The following TMOD2 variants were observed in gnomAD, a reference collection of about 807,000 sequenced individuals.
The protein encoded by TMOD2 is tropomodulin-2.
TMOD2 carries 22 observed loss-of-function variants against 39.9 expected under a neutral mutation model. The ratio of observed to expected loss-of-function variants is 0.55; its 90% CI spans 0.39 to 0.79. TMOD2 has a LOEUF of 0.79. TMOD2 is among the 30% of genes least tolerant of loss of function. The pLI is 0.00. For missense variants in TMOD2, 386 were observed against 413.3 expected (o/e 0.93, Z 0.57); for synonymous variants, 123 against 146.1 (o/e 0.84, Z 1.14).
At chr15:51,779,721 C>T (rs1429893535) in intron 5 of TMOD2, among the ~76,000 whole-genome samples, 1 of 151,912 alleles carries the variant, frequency 6.6e-6, no homozygotes, top group Non-Finnish European at 1.5e-5. Flanking sequence ...CATTCTGTTG[C>T]CCAGGCTGAA....
chr15:51,766,362 T>G lies in TMOD2; in HGVS notation c.-69-11T>G. 1 of 1,352,580 alleles carries G rather than the reference T, an allele frequency of 7.4e-7. No individual in the cohort carries two copies. The highest frequency in any genetic ancestry group is 1.0e-6 in the Non-Finnish European group (1 of 986,156). 83.8% of individuals were successfully genotyped at this position (1,352,580 alleles called of 1,614,324 possible). A position where few individuals can be genotyped will look rare whatever the true frequency, so the allele number is the denominator to read the frequency against. ...AGATTCTTTTTTATTGTGTTTCTTT[T>G]TTATTAACAGTATTCTGAAGTCTCA... On this transcript the variant is annotated splice_polypyrimidine_tract_variant and intron_variant, in intron 1 of 9. Transcript: ENST00000249700.
At chr15:51,756,706 G>A (rs141301133) in intron 1 of TMOD2, among the ~76,000 whole-genome samples, 4 of 152,164 alleles carry the variant, frequency 2.6e-5, no homozygotes, top group African/African-American at 9.7e-5. Context: ...TACGAGCTCT[G>A]CATTCTAGTA....
rs2056184198 is a variant in TMOD2, at chr15:51,815,593, G to A, written c.*7139G>A. The A allele has an allele frequency of 6.6e-6, 1 of 152,150 alleles. No homozygotes were observed. The highest frequency in any genetic ancestry group is 1.5e-5 in the Non-Finnish European group (1 of 68,036). The allele number at this position is 152,150 out of a possible 1,614,324, so 9.4% of individuals were successfully genotyped here. A position where few individuals can be genotyped will look rare whatever the true frequency, so the allele number is the denominator to read the frequency against. On this transcript the variant is annotated 3_prime_UTR_variant, in exon 10 of 10. Transcript: ENST00000249700. ...TGCTTTTTGAGGAAATTTTATTTTA[G>A]TACCAAATGTTGCCAGTGACAATCT...
chr15:51,785,943 A>AT (rs1291962567), intron 7 of TMOD2, among the ~76,000 whole-genome samples: 1 of 152,198 alleles, frequency 6.6e-6, no homozygotes, highest in Non-Finnish European at 1.5e-5. Flanking sequence ...TCACTAAAAC[A>AT]TTTTAAATTT....
At chr15:51,779,790 C>G (rs974944159) in intron 5 of TMOD2, among the ~76,000 whole-genome samples, 4 of 152,012 alleles carry the variant, frequency 2.6e-5, no homozygotes, top group Admixed American at 2.6e-4. Context: ...AAGGGATTCT[C>G]CCACCTCAGT....
At chr15:51,778,855 TATTTTATTCACTTTAATAG>T (rs765164399) in intron 5 of TMOD2, among the ~76,000 whole-genome samples, 1 of 152,096 alleles carries the variant, frequency 6.6e-6, no homozygotes, top group Non-Finnish European at 1.5e-5. Flanking sequence ...AGGTTAATTT[TATTTTATTCACTTTAATAG>T]AGACTTGGGA....
intron 2 of TMOD2, chr15:51,767,031 A>AT (rs11459410): frequency 0.42 from 61,475 of 147,576 alleles, 12,726 homozygotes; most frequent in Admixed American, 0.52. Flanking sequence ...CAAATGCAGA[A>AT]TTTTTTTTTT....
At chr15:51,778,155 C>T (rs2055901957) in intron 5 of TMOD2, among the ~76,000 whole-genome samples, 1 of 151,198 alleles carries the variant, frequency 6.6e-6, no homozygotes, top group Non-Finnish European at 1.5e-5. Context: ...TACTATGCAG[C>T]CATAAAAAAT....
chr15:51,798,210 T>C lies in TMOD2; in HGVS notation c.746T>C (p.Met249Thr). 6.2e-7 allele frequency: 1 copy of C among 1,603,646 alleles called. No homozygotes were observed. The highest frequency in any genetic ancestry group is 8.5e-7 in the Non-Finnish European group (1 of 1,177,412). ...NDPVAIAFAD[M>T]LKVNKTLTSL... ...TTGCATCATAAGGCTTTTGCAGACA[T>C]GCTGAAAGTAAACAAGACCTTGACA... Residue 249 changes from methionine to threonine, a missense_variant, in exon 8 of 10, where the codon ATG becomes ACG. By Grantham distance (81) the Met-to-Thr change is moderately conservative. Transcript: ENST00000249700.
Position 51,810,538 on chromosome 15 carries a change from T to C in TMOD2, c.*2084T>C, listed in dbSNP as rs2056149333. On this transcript the variant is annotated 3_prime_UTR_variant, in exon 10 of 10. Transcript: ENST00000249700. ...ACAGAAATTAGCAATATGTAAGAAA[T>C]TGGGGTTTTCTCCCTCTCCAGATTG... The C allele has an allele frequency of 6.6e-6, 1 of 152,174 alleles. No homozygotes were observed. The highest frequency in any genetic ancestry group is 1.5e-5 in the Non-Finnish European group (1 of 68,026). The allele number at this position is 152,174 out of a possible 1,614,324, so 9.4% of individuals were successfully genotyped here. A position where few individuals can be genotyped will look rare whatever the true frequency, so the allele number is the denominator to read the frequency against.
At chr15:51,783,672 T>C (rs1284290692) in intron 7 of TMOD2, 1 of 151,962 alleles carries the variant, frequency 6.6e-6, no homozygotes, top group African/African-American at 2.4e-5. Flanking sequence ...GACAATTGCA[T>C]GAGCCCAGGA....
chr15:51,781,450 A>G (rs527538772), intron 6 of TMOD2, among the ~76,000 whole-genome samples: 5 of 152,350 alleles, frequency 3.3e-5, no homozygotes, highest in Non-Finnish European at 7.3e-5. Flanking sequence ...CAAACAACAG[A>G]CATTTATTAT....
chr15:51,760,007 A>G (rs1054344367), intron 1 of TMOD2, among the ~76,000 whole-genome samples: 8 of 152,198 alleles, frequency 5.3e-5, no homozygotes, highest in African/African-American at 1.9e-4. Flanking sequence ...TGGGCCAAAC[A>G]GAAGCCAGAC....
intron 7 of TMOD2, among the ~76,000 whole-genome samples, chr15:51,786,616 C>T (rs947873824): frequency 6.6e-6 from 1 of 152,202 alleles, no homozygotes; most frequent in Non-Finnish European, 1.5e-5. Context: ...GATTACACCG[C>T]ATGTGGCCAA....
chr15:51,804,242 A>C (rs1407010310), intron 8 of TMOD2, among the ~76,000 whole-genome samples: 1 of 152,256 alleles, frequency 6.6e-6, no homozygotes, highest in African/African-American at 2.4e-5. Context: ...ATGATCCATC[A>C]CTGCAATGGG....
At chr15:51,776,863 A>T in intron 4 of TMOD2, 69 bp from the exon 5 acceptor site, 8 of 1,267,488 alleles carry the variant, frequency 6.3e-6, no homozygotes, top group Non-Finnish European at 2.3e-6. Context: ...TCTTCAAGGG[A>T]CAAATTAACA....
intron 2 of TMOD2, chr15:51,767,200 A>G (rs1034976582): frequency 3.3e-5 from 5 of 152,024 alleles, no homozygotes; most frequent in African/African-American, 4.8e-5. Context: ...TGATTTTTAT[A>G]TTTTTAGTAG....
intron 7 of TMOD2, among the ~76,000 whole-genome samples, chr15:51,797,102 G>A (rs988667836): frequency 9.2e-5 from 14 of 152,162 alleles, no homozygotes; most frequent in African/African-American, 2.7e-4. Context: ...TCCATTTAAC[G>A]TTTTCCCACT....
chr15:51,777,096 T>G (rs74015772), intron 5 of TMOD2, 78 bp downstream of exon 5: 1 of 1,198,548 alleles, frequency 8.3e-7, no homozygotes, highest in Non-Finnish European at 1.2e-6. Context: ...GCCTGTTGAG[T>G]CTTGCAGGCT....
Sources: allele counts gnomAD v4.1 joint callset (sites outside exome capture counted in the v4.1 genomes callset), GRCh38; gene constraint gnomAD v4.1.1; transcripts MANE v1.5; gene names NCBI Gene and HGNC (gene_info 2026-07-23, HGNC 2026-07-21).